Variants in USP25 observed in about 807,000 individuals in gnomAD.
USP25 encodes the protein ubiquitin specific peptidase 25.
Under a neutral mutation model 158.5 loss-of-function variants are expected in USP25, and 85 were observed. The ratio of observed to expected loss-of-function variants is 0.54; its 90% CI spans 0.45 to 0.64. The LOEUF is 0.64. Ranked by LOEUF, USP25 falls within the 30% of genes least tolerant of loss-of-function variation. USP25 has a pLI of 0.00. For synonymous variants in USP25, 464 were observed against 460.4 expected, an observed-to-expected ratio of 1.01 and a Z score of -0.10; for missense variants, 1,242 against 1,327.3, an observed-to-expected ratio of 0.94 and a Z score of 1.00.
Position 15,735,976 on chromosome 21 carries a change from GTGTGTA to G in USP25, c.45+5544_45+5549del, listed in dbSNP as rs375208716. Reference sequence around the variant, plus strand: ...TTTTGTCCTAAATCTGTGTGTGTGTGTGTGTATGTGTGTGTGTGTGTGTGTGTATGT... The same window carrying G: ...TTTTGTCCTAAATCTGTGTGTGTGTGTGTGTGTGTGTGTGTGTGTGTATGT... On this transcript the variant is annotated intron_variant, in intron 1 of 25. Coordinates refer to ENST00000400183, the MANE Select transcript of USP25 (RefSeq NM_001283041.3). Among the ~76,000 whole-genome samples the G allele has an allele frequency of 1.3e-3, 193 of 146,028 alleles. 3 individuals carry two copies. Among genetic ancestry groups the G allele is most frequent in the African/African-American group, 4.5e-3 (170 of 38,046 alleles).
At chr21:15,805,349 G>A in intron 7 of USP25, 91 bp downstream of exon 7, 1 of 1,236,698 alleles carries the variant, frequency 8.1e-7, no homozygotes, top group Non-Finnish European at 1.1e-6. Flanking sequence ...GACTATTTGA[G>A]ATGCATGATT....
Position 15,847,666 on chromosome 21 carries a change from C to T in USP25, c.2341C>T (p.Pro781Ser), listed in dbSNP as rs763826895. The T allele has an allele frequency of 4.5e-6, 7 of 1,548,018 alleles. No individual in the cohort carries two copies. Among genetic ancestry groups the T allele is most frequent in the Non-Finnish European group, 6.1e-6 (7 of 1,144,870 alleles). ...TATTAATGATTTCCTTCTGCAGAAA[C>T]CTGAAAATACTACAAGCCAACCACT... ...KSPETVLQSK[P>S]ENTTSQPLSN... Residue 781 changes from proline to serine, a missense_variant, in exon 19 of 26, where the codon CCT (proline) becomes TCT (serine). By Grantham distance (74) the Pro-to-Ser change is moderately conservative. This residue lies in a region of USP25 where 608 missense variants were observed against 605.2 expected (regional missense o/e 1.00). Coordinates refer to ENST00000400183, the MANE Select transcript of USP25 (RefSeq NM_001283041.3).
At chr21:15,821,656 A>G (rs1433926093) in intron 10 of USP25, among the ~76,000 whole-genome samples, 1 of 152,010 alleles carries the variant, frequency 6.6e-6, no homozygotes, top group Non-Finnish European at 1.5e-5. Flanking sequence ...AGTCAAGGCA[A>G]TTAAATGACT....
chr21:15,756,856 C>A (rs2033410229), intron 1 of USP25, among the ~76,000 whole-genome samples: 1 of 152,036 alleles, frequency 6.6e-6, no homozygotes. Context: ...AGGTTGAACC[C>A]ACCTCCCTGT....
chr21:15,878,426 T>C lies in USP25; in HGVS notation c.3329T>C (p.Phe1110Ser). The change falls in exon 26 of 26, where the codon TTT becomes TCT. Residue 1110 changes from phenylalanine to serine, a missense_variant. Coordinates refer to ENST00000400183, the MANE Select transcript of USP25 (RefSeq NM_001283041.3). ...SYSTHELCER[F>S]ARIMLSLSRT... ...TCCACGCATGAACTCTGTGAGCGAT[T>C]TGCCCGAATCATGTTGTCCCTCAGT... 1 of 1,614,078 alleles carries C rather than the reference T, an allele frequency of 6.2e-7. No individual in the cohort carries two copies. The highest frequency in any genetic ancestry group is 1.1e-5 in the South Asian group (1 of 91,072).
At chr21:15,803,003 A>C (rs993202350) in intron 6 of USP25, among the ~76,000 whole-genome samples, 1 of 151,646 alleles carries the variant, frequency 6.6e-6, no homozygotes, top group Non-Finnish European at 1.5e-5. Context: ...CTAAAGGGAG[A>C]ATAGTGGAAT....
At chr21:15,750,763 C>T (rs1308606319) in intron 1 of USP25, among the ~76,000 whole-genome samples, 2 of 151,802 alleles carry the variant, frequency 1.3e-5, no homozygotes, top group African/African-American at 2.4e-5. Context: ...CCCGCCACCA[C>T]GTCCGGCTAA....
chr21:15,786,387 G>C (rs1490526857), intron 4 of USP25, among the ~76,000 whole-genome samples: 1 of 152,054 alleles, frequency 6.6e-6, no homozygotes, highest in African/African-American at 2.4e-5. Flanking sequence ...TTCTCAACAA[G>C]ATTCTAGCAC....
At chr21:15,790,491 A>G (rs1264424622) in intron 4 of USP25, among the ~76,000 whole-genome samples, 1 of 151,968 alleles carries the variant, frequency 6.6e-6, no homozygotes, top group Non-Finnish European at 1.5e-5. Flanking sequence ...GATAGGATAA[A>G]ATCTTTAGGA....
At chr21:15,810,706 A>G (rs183340806) in intron 8 of USP25, among the ~76,000 whole-genome samples, 3 of 152,306 alleles carry the variant, frequency 2.0e-5, no homozygotes, top group African/African-American at 7.2e-5. Flanking sequence ...CCATGTAAAT[A>G]CAGGAAATAA....
At chr21:15,784,336 G>A (rs1347264491) in intron 4 of USP25, among the ~76,000 whole-genome samples, 1 of 152,218 alleles carries the variant, frequency 6.6e-6, no homozygotes, top group Middle Eastern at 3.2e-3. Flanking sequence ...ACTTTCGGAG[G>A]CTGAGGCTGG....
chr21:15,865,824 C>A (rs2039631797), intron 21 of USP25, among the ~76,000 whole-genome samples: 1 of 152,078 alleles, frequency 6.6e-6, no homozygotes, highest in Admixed American at 6.6e-5. Context: ...TGATTCTGAT[C>A]ATAAAATCCA....
At chr21:15,743,493 G>A (rs566963295) in intron 1 of USP25, among the ~76,000 whole-genome samples, 19 of 152,320 alleles carry the variant, frequency 1.2e-4, no homozygotes, top group African/African-American at 4.6e-4. Context: ...AAAGCTGGTA[G>A]CCATCTTTGC....
At chr21:15,753,186 T>C (rs911775407) in intron 1 of USP25, among the ~76,000 whole-genome samples, 14 of 152,168 alleles carry the variant, frequency 9.2e-5, no homozygotes, top group African/African-American at 3.1e-4. Context: ...AGTCACTATG[T>C]CAGCAGGTAG....
chr21:15,763,557 C>G (rs2033862483), intron 2 of USP25, among the ~76,000 whole-genome samples: 1 of 152,066 alleles, frequency 6.6e-6, no homozygotes, highest in African/African-American at 2.4e-5. Context: ...TATGGATACT[C>G]ACATTGAAAA....
chr21:15,868,759 C>G (rs1204830110), intron 22 of USP25, among the ~76,000 whole-genome samples: 1 of 152,158 alleles, frequency 6.6e-6, no homozygotes, highest in Non-Finnish European at 1.5e-5. Context: ...ATGAGGCTTG[C>G]AAAGTCTAAA....
chr21:15,739,381 C>T (rs184501751), intron 1 of USP25, among the ~76,000 whole-genome samples: 1 of 152,230 alleles, frequency 6.6e-6, no homozygotes, highest in East Asian at 1.9e-4. Flanking sequence ...GTAGTATTTT[C>T]AGTCGTGATG....
rs1424638798 is a variant in USP25, at chr21:15,875,630, G to A, written c.3009+1104G>A. 2.6e-5 allele frequency among the ~76,000 whole-genome samples: 4 copies of A among 152,176 alleles called. No homozygotes were observed. Among genetic ancestry groups the A allele is most frequent in the African/African-American group, 7.2e-5 (3 of 41,446 alleles). Reference sequence around the variant, plus strand: ...AACCTTAAGAGACAAGGTAAACCTCGTCTGGATCTTGATGGATAAATAGAA... The same window carrying A: ...AACCTTAAGAGACAAGGTAAACCTCATCTGGATCTTGATGGATAAATAGAA... On this transcript the variant is annotated intron_variant, in intron 24 of 25. Coordinates refer to ENST00000400183, the MANE Select transcript of USP25 (RefSeq NM_001283041.3). This position sits in a 1 kb window ranked among gnomAD's most constrained non-coding sequence, Gnocchi z 4.7.
In USP25 at chr21:15,835,521, A is replaced by G. The variant is rs948315254; in HGVS notation, c.2194+1973A>G. 3.3e-5 allele frequency among the ~76,000 whole-genome samples: 5 copies of G among 152,120 alleles called. 1 individual carries two copies. Among genetic ancestry groups the G allele is most frequent in the African/African-American group, 7.2e-5 (3 of 41,422 alleles). On this transcript the variant is annotated intron_variant, in intron 17 of 25. Coordinates refer to ENST00000400183, the MANE Select transcript of USP25 (RefSeq NM_001283041.3). ...CAATACATCTGACCATACACTTTAC[A>G]TGGTGTTTTGTAATTTTTAAAAAAT...
Sources: allele counts gnomAD v4.1 joint callset (sites outside exome capture counted in the v4.1 genomes callset), GRCh38; gene constraint gnomAD v4.1.1; regional missense constraint gnomAD v4.1.1; non-coding constraint Gnocchi (gnomAD v3.1); transcripts MANE v1.5; gene names NCBI Gene and HGNC (gene_info 2026-07-23, HGNC 2026-07-21).